The following SNTB1 variants were observed in gnomAD, a reference collection of about 807,000 sequenced individuals.
The protein encoded by SNTB1 is beta-1-syntrophin.
SNTB1 carries 36 observed loss-of-function variants against 48.9 expected under a neutral mutation model. That is an observed-to-expected ratio of 0.74 (90% CI 0.56 to 0.97). SNTB1 has a LOEUF of 0.97. Among genes scored for constraint, SNTB1 ranks in the 50% least tolerant of loss-of-function variants. The pLI is 0.00. For missense variants in SNTB1, 786 were observed against 703.4 expected (o/e 1.12, Z -1.33); for synonymous variants, 299 against 294.6 (o/e 1.01, Z -0.15).
intron 1 of SNTB1, among the ~76,000 whole-genome samples, chr8:120,781,738 T>A (rs142936881): frequency 8.9e-4 from 136 of 152,210 alleles, no homozygotes; most frequent in African/African-American, 3.2e-3. Context: ...ATTCTATAGG[T>A]CCTCCTGGAA....
At chr8:120,539,160 A>G (rs1345308657) in intron 6 of SNTB1, among the ~76,000 whole-genome samples, 191 bp from the exon 7 acceptor site, 1 of 152,212 alleles carries the variant, frequency 6.6e-6, no homozygotes, top group Non-Finnish European at 1.5e-5. Context: ...TACATCTCAT[A>G]TATCTTTTTT....
intron 1 of SNTB1, among the ~76,000 whole-genome samples, chr8:120,790,884 A>C (rs1820018828): frequency 6.6e-6 from 1 of 151,904 alleles, no homozygotes; most frequent in Non-Finnish European, 1.5e-5. Context: ...GAATTCGAAA[A>C]AAATCATCCT....
chr8:120,701,603 T>C (rs1303665913), intron 1 of SNTB1, among the ~76,000 whole-genome samples: 1 of 152,236 alleles, frequency 6.6e-6, no homozygotes, highest in Non-Finnish European at 1.5e-5. Flanking sequence ...TACAGGCACC[T>C]GACAAATAGG....
At chr8:120,650,651 A>G (rs1023230725) in intron 2 of SNTB1, among the ~76,000 whole-genome samples, 5 of 152,204 alleles carry the variant, frequency 3.3e-5, no homozygotes, top group African/African-American at 1.2e-4. Context: ...TTATACCTAT[A>G]TATCTCCATT....
chr8:120,771,683 C>CTT lies in SNTB1; in HGVS notation c.571+39588_571+39589dup, dbSNP rs768249144. ...CTTAAAACAAAACGAAACCATGCCT[C>CTT]TTTTTTTTTTTTTGAAACTTAAACC... On this transcript the variant is annotated intron_variant, in intron 1 of 6. Coordinates refer to ENST00000517992, the MANE Select transcript of SNTB1 (RefSeq NM_021021.4). 1.2e-4 allele frequency among the ~76,000 whole-genome samples: 17 copies of CTT among 143,176 alleles called. No homozygotes were observed. In the Middle Eastern group the frequency reaches 0.011, roughly 93 times the overall value. 93.9% of individuals were successfully genotyped at this position (143,176 alleles called of 152,430 possible).
At chr8:120,577,388 C>G (rs570189997) in intron 3 of SNTB1, among the ~76,000 whole-genome samples, 4 of 152,108 alleles carry the variant, frequency 2.6e-5, no homozygotes, top group Non-Finnish European at 5.9e-5. Context: ...CTTTTTCCAA[C>G]AGAACAACAG....
chr8:120,702,179 A>C (rs1818318740), intron 1 of SNTB1, among the ~76,000 whole-genome samples: 1 of 152,210 alleles, frequency 6.6e-6, no homozygotes, highest in Non-Finnish European at 1.5e-5. Context: ...CCCTACCCTT[A>C]AGGTGCTTGC....
intron 4 of SNTB1, chr8:120,571,070 G>T (rs575235916): frequency 1.0e-5 from 6 of 596,478 alleles, no homozygotes; most frequent in Admixed American, 4.1e-5. Flanking sequence ...CATAGTAGAT[G>T]ATTTATAAAT....
intron 1 of SNTB1, among the ~76,000 whole-genome samples, chr8:120,738,732 A>C (rs1258439086): frequency 6.6e-6 from 1 of 152,212 alleles, no homozygotes; most frequent in Non-Finnish European, 1.5e-5. Context: ...AGTCCTATGA[A>C]AATTGCAAAG....
intron 4 of SNTB1, among the ~76,000 whole-genome samples, chr8:120,565,443 G>A (rs755194470): frequency 5.3e-5 from 8 of 152,208 alleles, no homozygotes; most frequent in Non-Finnish European, 1.0e-4. Flanking sequence ...GGCTTGGTAA[G>A]TAGCAAGGCT....
At chr8:120,721,772 T>C (rs908144442) in intron 1 of SNTB1, among the ~76,000 whole-genome samples, 4 of 152,178 alleles carry the variant, frequency 2.6e-5, no homozygotes, top group Non-Finnish European at 5.9e-5. Context: ...AGTTCTAGGG[T>C]ACATGTGCAC....
At chr8:120,677,219 T>TA (rs1288200207) in intron 2 of SNTB1, among the ~76,000 whole-genome samples, 25 of 152,230 alleles carry the variant, frequency 1.6e-4, no homozygotes, top group African/African-American at 5.1e-4. Flanking sequence ...CACCTTGTTT[T>TA]ATTTGTCACT....
chr8:120,762,620 C>T (rs1819441458), intron 1 of SNTB1, among the ~76,000 whole-genome samples: 1 of 152,232 alleles, frequency 6.6e-6, no homozygotes, highest in Admixed American at 6.5e-5. Flanking sequence ...GCCATTCATA[C>T]TCTAGATTAC....
chr8:120,632,703 C>T (rs748259667), intron 2 of SNTB1, 52 bp from the exon 3 acceptor site: 12 of 1,488,624 alleles, frequency 8.1e-6, no homozygotes, highest in Admixed American at 5.1e-5. Context: ...GGTCCTGCTT[C>T]GTCAAGATCT....
At chr8:120,586,551 C>T (rs1816144775) in intron 3 of SNTB1, among the ~76,000 whole-genome samples, 1 of 152,100 alleles carries the variant, frequency 6.6e-6, no homozygotes, top group Admixed American at 6.5e-5. Flanking sequence ...CTCCTGCCTC[C>T]CTCTTATAAG....
intron 1 of SNTB1, among the ~76,000 whole-genome samples, chr8:120,762,233 C>T (rs1462081731): frequency 6.6e-6 from 1 of 152,192 alleles, no homozygotes; most frequent in Non-Finnish European, 1.5e-5. Context: ...ATGAGACACA[C>T]CAGCATTTTT....
intron 3 of SNTB1, among the ~76,000 whole-genome samples, chr8:120,620,046 C>CAATAAAAAAA (rs1389639019): frequency 6.6e-6 from 1 of 152,118 alleles, no homozygotes; most frequent in Non-Finnish European, 1.5e-5. Context: ...AAGTCCAGTA[C>CAATAAAAAAA]AACTCATTTT....
intron 1 of SNTB1, among the ~76,000 whole-genome samples, chr8:120,695,320 C>T: frequency 6.6e-6 from 1 of 152,304 alleles, no homozygotes; most frequent in East Asian, 1.9e-4. Context: ...ACAATACACT[C>T]CAAACTCAGA....
chr8:120,755,903 T>C (rs1563591668), intron 1 of SNTB1, among the ~76,000 whole-genome samples: 1 of 152,160 alleles, frequency 6.6e-6, no homozygotes, highest in African/African-American at 2.4e-5. Context: ...GTCTCGAAGA[T>C]GGTAAATAAG....
Sources: gnomAD v4.1 joint callset for allele counts (sites outside exome capture counted in the v4.1 genomes callset) on GRCh38, gnomAD v4.1.1 for gene constraint, MANE v1.5 for transcripts, NCBI Gene and HGNC (gene_info 2026-07-23, HGNC 2026-07-21) for gene names.